Variants in SORBS2 observed in about 807,000 individuals in gnomAD.
SORBS2 encodes the protein sorbin and SH3 domain containing 2, also known as sorbin and SH3 domain-containing protein 2.
Under a neutral mutation model 97.7 loss-of-function variants are expected in SORBS2, and 46 were observed. The observed-to-expected ratio is 0.47, with a 90% CI of 0.37 to 0.60. SORBS2 has a LOEUF of 0.60. Ranked by LOEUF, SORBS2 falls within the 20% of genes least tolerant of loss-of-function variation. The pLI is 0.00. For missense variants in SORBS2, 1,316 were observed against 1,282.3 expected (o/e 1.03, Z -0.40); for synonymous variants, 476 against 473.4 (o/e 1.01, Z -0.07).
chr4:185,827,827 A>G (rs988297013), intron 1 of SORBS2, among the ~76,000 whole-genome samples: 1 of 145,642 alleles, frequency 6.9e-6, no homozygotes, highest in Non-Finnish European at 1.5e-5. Context: ...CACCGTCACC[A>G]TCATCATCAT....
intron 2 of SORBS2, among the ~76,000 whole-genome samples, chr4:185,731,813 T>C (rs1306923371): frequency 1.6e-5 from 2 of 123,518 alleles, no homozygotes; most frequent in African/African-American, 6.1e-5. Flanking sequence ...TTTCCCTCCC[T>C]CCCTGCCTGT....
At chr4:185,813,020 C>G (rs1318505910) in intron 1 of SORBS2, 2 of 152,218 alleles carry the variant, frequency 1.3e-5, no homozygotes, top group Non-Finnish European at 2.9e-5. Flanking sequence ...ATTTCACCTC[C>G]TCTGGGAATC....
At chr4:185,694,491 G>A (rs866205771) in intron 2 of SORBS2, among the ~76,000 whole-genome samples, 1 of 152,082 alleles carries the variant, frequency 6.6e-6, no homozygotes, top group African/African-American at 2.4e-5. Flanking sequence ...TTTTGTCAAA[G>A]TTTCATATAA....
At chr4:185,673,467 T>C (rs1488979600) in intron 4 of SORBS2, among the ~76,000 whole-genome samples, 58 of 152,094 alleles carry the variant, frequency 3.8e-4, no homozygotes, top group Admixed American at 3.8e-3. Flanking sequence ...GTAAAAAAAA[T>C]GAAGTATTGT....
intron 1 of SORBS2, among the ~76,000 whole-genome samples, chr4:185,896,322 G>T (rs1263004199): frequency 6.6e-6 from 1 of 152,332 alleles, no homozygotes; most frequent in South Asian, 2.1e-4. Context: ...GATGGCTGAC[G>T]CCTGTAATGC....
chr4:185,880,768 C>T (rs1454974159), intron 1 of SORBS2, among the ~76,000 whole-genome samples: 2 of 152,130 alleles, frequency 1.3e-5, no homozygotes, highest in South Asian at 2.1e-4. Context: ...ACAGAACACT[C>T]GAATTTCAGC....
intron 1 of SORBS2, among the ~76,000 whole-genome samples, chr4:185,786,785 C>T (rs1453130993): frequency 1.3e-5 from 2 of 152,048 alleles, no homozygotes; most frequent in African/African-American, 4.8e-5. Context: ...AACATGGTGA[C>T]ACCCTGTCTC....
chr4:185,693,708 T>A (rs1321511535), intron 2 of SORBS2, among the ~76,000 whole-genome samples: 1 of 152,138 alleles, frequency 6.6e-6, no homozygotes, highest in African/African-American at 2.4e-5. Context: ...AAAGAAAACA[T>A]CAAATACAGA....
Position 185,905,018 on chromosome 4 carries a change from C to T in SORBS2, c.-338+51178G>A, listed in dbSNP as rs200894459. On this transcript the variant is annotated intron_variant, in intron 1 of 20. Coordinates refer to the SORBS2 transcript ENST00000284776. The stretch of plus-strand genomic sequence containing the variant: ...ACTCGGGAAGCTGAGGCAGGACAAT[C>T]GCTTGAACCTGGGAGGCAGAGGTTG... Among the ~76,000 whole-genome samples the T allele has an allele frequency of 1.2e-4, 18 of 152,076 alleles. No individual in the cohort carries two copies. In the East Asian group the frequency reaches 2.9e-3, roughly 25 times the overall value.
chr4:185,589,957 G>C, intron 13 of SORBS2, 172 bp from the exon 26 acceptor site: 1 of 511,404 alleles, frequency 2.0e-6, no homozygotes, highest in Non-Finnish European at 3.5e-6. Flanking sequence ...TACAAGCCTG[G>C]TAAGCAGGTA....
chr4:185,834,453 C>CA (rs932802869), intron 1 of SORBS2, among the ~76,000 whole-genome samples: 10 of 149,132 alleles, frequency 6.7e-5, no homozygotes, highest in Non-Finnish European at 7.4e-5. Context: ...TGCTTAAGAG[C>CA]AAAAAAAAAT....
chr4:185,951,221 C>T (rs1233374735), intron 1 of SORBS2, among the ~76,000 whole-genome samples: 1 of 152,216 alleles, frequency 6.6e-6, no homozygotes, highest in African/African-American at 2.4e-5. Context: ...GGAAAACATA[C>T]ACTTGGCTTC....
At chr4:185,920,569 T>A (rs28674702) in intron 1 of SORBS2, among the ~76,000 whole-genome samples, 14 of 152,104 alleles carry the variant, frequency 9.2e-5, no homozygotes, top group Non-Finnish European at 1.6e-4. Flanking sequence ...AGAATAGAGC[T>A]TGTATGCCTC....
chr4:185,836,778 A>G (rs2099208340), intron 1 of SORBS2, among the ~76,000 whole-genome samples: 1 of 152,234 alleles, frequency 6.6e-6, no homozygotes, highest in African/African-American at 2.4e-5. Flanking sequence ...TTATAGAAAA[A>G]TGTTCTTTTG....
chr4:185,952,862 C>A (rs552665465), intron 1 of SORBS2, among the ~76,000 whole-genome samples: 3 of 152,316 alleles, frequency 2.0e-5, no homozygotes, highest in Non-Finnish European at 4.4e-5. Context: ...GCATGAGTCA[C>A]CACTCGTAGC....
intron 4 of SORBS2, chr4:185,677,687 CAG>C (rs1303996500): frequency 1.4e-6 from 2 of 1,407,480 alleles, no homozygotes; most frequent in East Asian, 5.2e-5. Flanking sequence ...GAAAGAAAAA[CAG>C]AGAAAGTCCA....
intron 11 of SORBS2, among the ~76,000 whole-genome samples, chr4:185,612,813 C>A (rs936995747): frequency 3.9e-5 from 6 of 152,038 alleles, no homozygotes; most frequent in Non-Finnish European, 8.8e-5. Flanking sequence ...AATCTACATG[C>A]GCTAAGTAGT....
intron 12 of SORBS2, among the ~76,000 whole-genome samples, chr4:185,600,977 T>C (rs553084092): frequency 2.8e-4 from 42 of 152,100 alleles, no homozygotes; most frequent in Non-Finnish European, 5.0e-4. Flanking sequence ...TTTGTGTAGG[T>C]TTTATTTTCC....
intron 2 of SORBS2, among the ~76,000 whole-genome samples, chr4:185,689,538 T>C (rs78076098): frequency 0.021 from 3,185 of 152,310 alleles, 127 homozygotes; most frequent in African/African-American, 0.073. Flanking sequence ...CTGTCTCCAG[T>C]ATCCTCATCT....
Sources: gnomAD v4.1 joint callset for allele counts (sites outside exome capture counted in the v4.1 genomes callset) on GRCh38, gnomAD v4.1.1 for gene constraint, MANE v1.5 for transcripts, NCBI Gene and HGNC (gene_info 2026-07-23, HGNC 2026-07-21) for gene names.